The following COMT variants were observed in gnomAD, a reference collection of about 807,000 sequenced individuals.
COMT encodes catechol O-methyltransferase.
Under a neutral mutation model 18.9 loss-of-function variants are expected in COMT, and 13 were observed. The ratio of observed to expected loss-of-function variants is 0.69; its 90% CI spans 0.45 to 1.09. The LOEUF (loss-of-function observed/expected upper bound fraction) is 1.09, where lower values mean the gene tolerates loss of function less well. COMT is among the 50% of genes least tolerant of loss of function. The pLI, the probability that COMT is intolerant of heterozygous loss-of-function variation, is 0.00. For synonymous variants in COMT, 150 were observed against 160.9 expected (o/e 0.93, Z 0.51); for missense variants, 329 against 361.8 (o/e 0.91, Z 0.73).
intron 1 of COMT, among the ~76,000 whole-genome samples, chr22:19,950,778 A>G (rs1941917496): frequency 6.6e-6 from 1 of 152,190 alleles, no homozygotes; most frequent in African/African-American, 2.4e-5. Flanking sequence ...GGAGATCTCA[A>G]GTATCCCAAA....
At chr22:19,951,251 T>C (rs1039596784) in intron 1 of COMT, among the ~76,000 whole-genome samples, 1 of 146,518 alleles carries the variant, frequency 6.8e-6, no homozygotes, top group Non-Finnish European at 1.5e-5. Context: ...CCCAGCTACT[T>C]GGGAGGCTGA....
At chr22:19,946,528 T>C (rs174675) in intron 1 of COMT, among the ~76,000 whole-genome samples, 102,620 of 152,030 alleles carry the variant, frequency 0.67, 34,876 homozygotes, top group Middle Eastern at 0.77. Context: ...GCCTACCCCA[T>C]GGTACCTGTC....
At chr22:19,952,384 A>AAT (rs1323482874) in intron 1 of COMT, among the ~76,000 whole-genome samples, 7 of 152,156 alleles carry the variant, frequency 4.6e-5, no homozygotes, top group Non-Finnish European at 8.8e-5. Context: ...TCATGCCTGT[A>AAT]ATCCCAGCAC....
intron 3 of COMT, chr22:19,963,323 G>A: frequency 1.7e-6 from 1 of 600,632 alleles, no homozygotes; most frequent in East Asian, 2.8e-5. Context: ...CGTGAGCATA[G>A]AGGCTAAGGG....
At chr22:19,963,883 G>A (rs950939396) in intron 4 of COMT, 124 bp downstream of exon 4, 19 of 1,309,800 alleles carry the variant, frequency 1.5e-5, no homozygotes, top group Admixed American at 1.2e-4. Context: ...ACTATCACCA[G>A]GCCCCTCAGT....
Position 19,969,025 on chromosome 22 carries a change from T to C in COMT, c.*289T>C, listed in dbSNP as rs1479540978. On this transcript the variant is annotated 3_prime_UTR_variant, in exon 6 of 6. Coordinates refer to ENST00000361682, the MANE Select transcript of COMT (RefSeq NM_000754.4). ...GAAATTAAGAATCTAAATATTTAGATATAACTCGACTTAGTACATCCTTCT... is the reference window on the plus strand; with the variant it reads ...GAAATTAAGAATCTAAATATTTAGACATAACTCGACTTAGTACATCCTTCT... 6.5e-6 allele frequency: 2 copies of C among 306,488 alleles called. No homozygotes were observed. The highest frequency in any genetic ancestry group is 7.9e-5 in the East Asian group (1 of 12,646). 19.0% of individuals were successfully genotyped at this position (306,488 alleles called of 1,614,324 possible).
At position 19,969,792 on chromosome 22, in the gene COMT, C is replaced by G; in HGVS notation, c.*1056C>G. 1.0e-6 allele frequency: 1 copy of G among 974,246 alleles called. No individual in the cohort carries two copies. The highest frequency in any genetic ancestry group is 1.8e-5 in the African/African-American group (1 of 57,118). 60.4% of individuals were successfully genotyped at this position (974,246 alleles called of 1,614,324 possible). On this transcript the variant is annotated 3_prime_UTR_variant, in exon 6 of 6. Coordinates refer to ENST00000361682, the MANE Select transcript of COMT (RefSeq NM_000754.4). ...CTCTGCAGGACACAGCAGATGGGCA[C>G]CTGGGACCACCTCCACCCAGGGCCC... is the stretch of plus-strand genomic sequence containing the variant.
chr22:19,961,309 C>G lies in COMT; in HGVS notation c.-1+20C>G, dbSNP rs2146161673. The G allele has an allele frequency of 6.6e-6, 1 of 152,664 alleles. No individual in the cohort carries two copies. Among genetic ancestry groups the G allele is most frequent in the Non-Finnish European group, 1.5e-5 (1 of 68,286 alleles). 9.5% of individuals were successfully genotyped at this position (152,664 alleles called of 1,614,324 possible). On this transcript the variant is annotated intron_variant, in intron 2 of 5. Transcript: ENST00000361682. ...TTGAAGGTGAGTTGGCCAACGGAAG[C>G]CGGGGCAGTGCCAGGGTGGGTACAG...
At position 19,968,764 on chromosome 22, in the gene COMT, C is replaced by T. The variant is rs891228883; in HGVS notation, c.*28C>T. Reference sequence around the variant, plus strand: ...GCCCCCCCGGCCCCCCTCTCGGGCTCTCTCACCCAGCCTGGTACTGAAGGT... The same window carrying T: ...GCCCCCCCGGCCCCCCTCTCGGGCTTTCTCACCCAGCCTGGTACTGAAGGT... On this transcript the variant is annotated 3_prime_UTR_variant, in exon 6 of 6. Transcript: ENST00000361682. 1 of 1,597,352 alleles carries T rather than the reference C, an allele frequency of 6.3e-7. No individual in the cohort carries two copies. Among genetic ancestry groups the T allele is most frequent in the African/African-American group, 1.3e-5 (1 of 74,850 alleles).
rs1352700761 is a variant in COMT, at chr22:19,941,914, G to T, written c.-92+17G>T. On this transcript the variant is annotated intron_variant, in intron 1 of 5. Coordinates refer to ENST00000361682, the MANE Select transcript of COMT (RefSeq NM_000754.4). ...GCGGGAGAGGTGAGAGCGCTGGCTAGACCGGGGCCGAATGCGGCCGGATTC... is the reference window on the plus strand; with the variant it reads ...GCGGGAGAGGTGAGAGCGCTGGCTATACCGGGGCCGAATGCGGCCGGATTC... The T allele has an allele frequency of 3.4e-6, 4 of 1,174,404 alleles. No homozygotes were observed. Among genetic ancestry groups the T allele is most frequent in the Non-Finnish European group, 4.4e-6 (4 of 903,388 alleles). 72.7% of individuals were successfully genotyped at this position (1,174,404 alleles called of 1,614,324 possible).
At chr22:19,967,158 G>A (rs1005904961) in intron 5 of COMT, 38 of 1,302,548 alleles carry the variant, frequency 2.9e-5, no homozygotes, top group African/African-American at 7.6e-5. Context: ...TGTTTAACTC[G>A]TGCAGGTGCA....
chr22:19,956,137 C>CTTTTTTT (rs71186638), intron 1 of COMT, among the ~76,000 whole-genome samples: 205 of 84,818 alleles, frequency 2.4e-3, no homozygotes, highest in East Asian at 5.3e-3. Flanking sequence ...TTCTTTTTTT[C>CTTTTTTT]TTTTTTTTTT....
chr22:19,964,271 G>C lies in COMT; in HGVS notation c.587G>C (p.Arg196Pro). ...DMVFLDHWKD[R>P]YLPDTLLLEE... Reference sequence around the variant, plus strand: ...GTCTTCCTCGACCACTGGAAGGACCGGTACCTGCCGGACACGCTTCTCTTG... The same window carrying C: ...GTCTTCCTCGACCACTGGAAGGACCCGTACCTGCCGGACACGCTTCTCTTG... Residue 196 changes from arginine to proline, a missense_variant, in exon 5 of 6, where the codon CGG becomes CCG. Coordinates refer to ENST00000361682, the MANE Select transcript of COMT (RefSeq NM_000754.4). 6.2e-7 allele frequency: 1 copy of C among 1,614,040 alleles called. No individual in the cohort carries two copies. Among genetic ancestry groups the C allele is most frequent in the East Asian group, 2.2e-5 (1 of 44,890 alleles).
chr22:19,941,790 G>A lies in COMT; in HGVS notation c.-199G>A, dbSNP rs775392322. 1.1e-5 allele frequency: 17 copies of A among 1,532,582 alleles called. No homozygotes were observed. The highest frequency in any genetic ancestry group is 2.6e-5 in the East Asian group (1 of 38,074). 94.9% of individuals were successfully genotyped at this position (1,532,582 alleles called of 1,614,324 possible). A position where few individuals can be genotyped will look rare whatever the true frequency, so the allele number is the denominator to read the frequency against. Reference sequence around the variant, plus strand: ...CCCTCCTAATCCCCGCAGCGCCACCGCCATTGCCGCCATCGTCGTGGGGCT... The same window carrying A: ...CCCTCCTAATCCCCGCAGCGCCACCACCATTGCCGCCATCGTCGTGGGGCT... On this transcript the variant is annotated 5_prime_UTR_variant, in exon 1 of 6. Transcript: ENST00000361682.
intron 5 of COMT, chr22:19,967,537 T>G: frequency 7.8e-6 from 3 of 384,398 alleles, no homozygotes; most frequent in Non-Finnish European, 1.5e-5. Flanking sequence ...CCCTGCTTTC[T>G]CTGCAGCATA....
In COMT at chr22:19,969,860, C is replaced by T. The variant is rs1185447228; in HGVS notation, c.*1124C>T. 4.1e-6 allele frequency: 4 copies of T among 985,380 alleles called. No individual in the cohort carries two copies. The highest frequency in any genetic ancestry group is 6.1e-5 in the Admixed American group (1 of 16,276). 61.0% of individuals were successfully genotyped at this position (985,380 alleles called of 1,614,324 possible). A position where few individuals can be genotyped will look rare whatever the true frequency, so the allele number is the denominator to read the frequency against. On this transcript the variant is annotated 3_prime_UTR_variant, in exon 6 of 6. Coordinates refer to ENST00000361682, the MANE Select transcript of COMT (RefSeq NM_000754.4). ...GGCCCGACACAAGGGAGAAGCCAGCCACTTGTGCCAGACCTGAGTGGCAGA... is the reference window on the plus strand; with the variant it reads ...GGCCCGACACAAGGGAGAAGCCAGCTACTTGTGCCAGACCTGAGTGGCAGA...
At chr22:19,953,538 C>A (rs775019939) in intron 1 of COMT, among the ~76,000 whole-genome samples, 1 of 152,192 alleles carries the variant, frequency 6.6e-6, no homozygotes, top group Non-Finnish European at 1.5e-5. Flanking sequence ...TGTGATCTGC[C>A]TGCCTCAGCC....
At chr22:19,950,082 A>T (rs1414049944) in intron 1 of COMT, among the ~76,000 whole-genome samples, 4 of 152,016 alleles carry the variant, frequency 2.6e-5, no homozygotes, top group African/African-American at 9.7e-5. Flanking sequence ...ACTTAGTATG[A>T]CTCTGAGGTT....
At position 19,962,679 on chromosome 22, in the gene COMT, G is replaced by A; in HGVS notation, c.153G>A (p.Met51Ile). ...FILQPIHNLL[M>I]GDTKEQRILN... ...TGCAGCCCATCCACAACCTGCTCAT[G>A]GGTGACACCAAGGAGCAGCGCATCC... Residue 51 changes from methionine (M) to isoleucine (I), a missense_variant, in exon 3 of 6, where the codon ATG becomes ATA. Coordinates refer to ENST00000361682, the MANE Select transcript of COMT (RefSeq NM_000754.4). 1 of 1,613,358 alleles carries A rather than the reference G, an allele frequency of 6.2e-7. No homozygotes were observed. The highest frequency in any genetic ancestry group is 8.5e-7 in the Non-Finnish European group (1 of 1,179,900).
Sources: allele counts gnomAD v4.1 joint callset (sites outside exome capture counted in the v4.1 genomes callset), GRCh38; gene constraint gnomAD v4.1.1; transcripts MANE v1.5; gene names NCBI Gene and HGNC (gene_info 2026-07-23, HGNC 2026-07-21).